The following SMOC2 variants were observed in gnomAD, a reference collection of about 807,000 sequenced individuals.
SMOC2 encodes the protein SPARC related modular calcium binding 2, also known as SPARC-related modular calcium-binding protein 2.
In SMOC2, 39 loss-of-function variants were observed where a neutral mutation model predicts 61.4. The ratio of observed to expected loss-of-function variants is 0.64; its 90% CI spans 0.49 to 0.83. The LOEUF (loss-of-function observed/expected upper bound fraction) is 0.83, where lower values mean the gene tolerates loss of function less well. Ranked by LOEUF, SMOC2 falls within the 40% of genes least tolerant of loss-of-function variation. The pLI is 0.00. For synonymous variants in SMOC2, 247 were observed against 239.9 expected (o/e 1.03, Z -0.27); for missense variants, 556 against 592.9 (o/e 0.94, Z 0.65).
intron 7 of SMOC2, among the ~76,000 whole-genome samples, chr6:168,570,094 C>T (rs1400340154): frequency 2.0e-5 from 3 of 150,430 alleles, no homozygotes; most frequent in African/African-American, 2.4e-5. Flanking sequence ...CCTGGCATCA[C>T]GTCACCTTGC....
intron 7 of SMOC2, among the ~76,000 whole-genome samples, chr6:168,583,341 C>A (rs1784965894): frequency 6.6e-6 from 1 of 151,502 alleles, no homozygotes. Context: ...CTCAGCCCTG[C>A]CTTTCCTCAC....
At chr6:168,523,054 TTA>T (rs1441242929) in intron 2 of SMOC2, among the ~76,000 whole-genome samples, 3 of 151,202 alleles carry the variant, frequency 2.0e-5, no homozygotes, top group Non-Finnish European at 4.4e-5. Flanking sequence ...ATGGTAAATT[TTA>T]TGTTATTTGT....
At chr6:168,638,341 C>A (rs1164445200) in intron 9 of SMOC2, among the ~76,000 whole-genome samples, 1 of 152,196 alleles carries the variant, frequency 6.6e-6, no homozygotes, top group Non-Finnish European at 1.5e-5. Context: ...TGAGTCAACT[C>A]CATTTTGTTA....
intron 1 of SMOC2, among the ~76,000 whole-genome samples, chr6:168,476,264 ATAGT>A (rs560639322): frequency 3.0e-4 from 46 of 152,250 alleles, no homozygotes; most frequent in African/African-American, 1.1e-3. Context: ...TTCGTGATAT[ATAGT>A]TAATCAATCA....
chr6:168,621,997 G>A (rs1786259090), intron 9 of SMOC2, among the ~76,000 whole-genome samples: 2 of 151,430 alleles, frequency 1.3e-5, no homozygotes, highest in African/African-American at 4.9e-5. Context: ...ATGGAGTCTC[G>A]CTCTGTGGCC....
At chr6:168,635,793 C>G (rs1451859721) in intron 9 of SMOC2, among the ~76,000 whole-genome samples, 1 of 151,066 alleles carries the variant, frequency 6.6e-6, no homozygotes, top group Non-Finnish European at 1.5e-5. Flanking sequence ...ACTGCTTGAA[C>G]CCGGGAGGCA....
chr6:168,629,288 T>G (rs117720602), intron 9 of SMOC2, among the ~76,000 whole-genome samples: 2,421 of 152,326 alleles, frequency 0.016, 42 homozygotes, highest in Non-Finnish European at 0.023. Flanking sequence ...CCAAGTGCCC[T>G]CAGTGCTGTC....
rs556996027 is a variant in SMOC2, at chr6:168,557,804, C to T, written c.637+8601C>T. Among the ~76,000 whole-genome samples the T allele has an allele frequency of 2.5e-3, 387 of 152,274 alleles. 2 individuals are homozygous for T. The highest frequency in any genetic ancestry group is 4.0e-3 in the Non-Finnish European group (272 of 68,012). Reference sequence around the variant, plus strand: ...GCTTATGAGGTACCAGGCAAGGCACCGTGTGTTCTAATGCATCATAGAAGC... The same window carrying T: ...GCTTATGAGGTACCAGGCAAGGCACTGTGTGTTCTAATGCATCATAGAAGC... On this transcript the variant is annotated intron_variant, in intron 7 of 12. Coordinates refer to ENST00000356284, the MANE Select transcript of SMOC2 (RefSeq NM_001166412.2).
At position 168,489,004 on chromosome 6, in the gene SMOC2, G is replaced by C. The variant is rs953571397; in HGVS notation, c.85-20911G>C. 1.4e-5 allele frequency among the ~76,000 whole-genome samples: 2 copies of C among 143,846 alleles called. 1 individual carries two copies. The highest frequency in any genetic ancestry group is 3.0e-5 in the Non-Finnish European group (2 of 66,998). The allele number at this position is 143,846 out of a possible 152,430, so 94.4% of individuals were successfully genotyped here. ...TGGGTCCTCTTGGATCACAGTTTTA[G>C]AGTGAAATATATGAATCATCTGGGT... On this transcript the variant is annotated intron_variant, in intron 1 of 12. Transcript: ENST00000356284.
At chr6:168,607,902 G>A (rs942151015) in intron 8 of SMOC2, among the ~76,000 whole-genome samples, 3 of 152,224 alleles carry the variant, frequency 2.0e-5, no homozygotes, top group Non-Finnish European at 2.9e-5. Context: ...TTTCAGAGAC[G>A]GGATGGAGAG....
intron 6 of SMOC2, 116 bp from the exon 7 acceptor site, chr6:168,549,013 A>G (rs1784070035): frequency 1.1e-5 from 8 of 748,224 alleles, no homozygotes; most frequent in South Asian, 7.8e-5. Context: ...CAAATGTACA[A>G]TGTGTGTTAT....
At chr6:168,472,018 G>A (rs148171115) in intron 1 of SMOC2, among the ~76,000 whole-genome samples, 3 of 152,332 alleles carry the variant, frequency 2.0e-5, no homozygotes, top group Non-Finnish European at 2.9e-5. Context: ...TCTGATGACG[G>A]TGTCATTTGA....
At chr6:168,599,338 C>T (rs1457985685) in intron 8 of SMOC2, among the ~76,000 whole-genome samples, 1 of 146,212 alleles carries the variant, frequency 6.8e-6, no homozygotes, top group African/African-American at 2.6e-5. Context: ...CACACTCATA[C>T]CCACACACAA....
At chr6:168,486,065 C>T (rs1315853792) in intron 1 of SMOC2, among the ~76,000 whole-genome samples, 1 of 152,158 alleles carries the variant, frequency 6.6e-6, no homozygotes, top group Non-Finnish European at 1.5e-5. Context: ...CGTACGGTTC[C>T]TGTGTATGGT....
rs368604734 is a variant in SMOC2 at position 168,516,285 on chromosome 6, C to A, written c.256+6199C>A. 2.6e-5 allele frequency among the ~76,000 whole-genome samples: 4 copies of A among 151,724 alleles called. No homozygotes were observed. The East Asian group carries it at 7.7e-4, about 29-fold the overall frequency. On this transcript the variant is annotated intron_variant, in intron 2 of 12. Coordinates refer to ENST00000356284, the MANE Select transcript of SMOC2 (RefSeq NM_001166412.2). ...ATTTGTGGAGTTTATGTTTTCAGAA[C>A]TCTGCACACACATTAATATTTTTCT...
chr6:168,488,316 A>G (rs1366627977), intron 1 of SMOC2, among the ~76,000 whole-genome samples: 2 of 152,062 alleles, frequency 1.3e-5, no homozygotes, highest in Admixed American at 6.5e-5. Context: ...TCTTCCATCT[A>G]TGCCCATCTG....
At chr6:168,511,229 C>G (rs1476007141) in intron 2 of SMOC2, among the ~76,000 whole-genome samples, 2 of 152,186 alleles carry the variant, frequency 1.3e-5, no homozygotes, top group Non-Finnish European at 2.9e-5. Flanking sequence ...TGTTCTCACA[C>G]TGCTAATAAA....
At chr6:168,661,580 TGGC>T (rs1049289311) in intron 11 of SMOC2, among the ~76,000 whole-genome samples, 13 of 152,236 alleles carry the variant, frequency 8.5e-5, no homozygotes, top group African/African-American at 3.1e-4. Context: ...CCATCCTGGG[TGGC>T]AGAGTGAGAC....
intron 11 of SMOC2, among the ~76,000 whole-genome samples, chr6:168,653,479 T>C (rs1787251233): frequency 6.6e-6 from 1 of 152,256 alleles, no homozygotes; most frequent in East Asian, 1.9e-4. Flanking sequence ...TGAGCCTTTT[T>C]ACTGTTCAGA....
Sources: gnomAD v4.1 joint callset for allele counts (sites outside exome capture counted in the v4.1 genomes callset) on GRCh38, gnomAD v4.1.1 for gene constraint, MANE v1.5 for transcripts, NCBI Gene and HGNC (gene_info 2026-07-23, HGNC 2026-07-21) for gene names.